The following IGBP1C variants were observed in gnomAD, a reference collection of about 807,000 sequenced individuals.
IGBP1C encodes the protein IGBP1 family member C.
chr17:58,682,296 C>T, the IGBP1C span, among the ~76,000 whole-genome samples: 2 of 147,192 alleles, frequency 1.4e-5, no homozygotes, highest in Admixed American at 6.8e-5. Flanking sequence ...CTTACTCTGT[C>T]GTCCAGGCTA....
chr17:58,661,647 A>G, the IGBP1C span: 123 of 652,480 alleles, frequency 1.9e-4, no homozygotes, highest in African/African-American at 1.9e-3. Flanking sequence ...TTCTGGACAC[A>G]CGTAAAGATT....
At chr17:58,683,052 C>CA in the IGBP1C span, among the ~76,000 whole-genome samples, 3,919 of 52,894 alleles carry the variant, frequency 0.074, 80 homozygotes, top group Middle Eastern at 0.12. Context: ...GAGTCTGTCT[C>CA]AAAAAAAAAA....
chr17:58,691,480 A>G, the IGBP1C span, among the ~76,000 whole-genome samples: 6 of 151,872 alleles, frequency 4.0e-5, no homozygotes, highest in African/African-American at 1.4e-4. Context: ...CAGCCTGGCC[A>G]ATATGGTGAA....
At chr17:58,660,693 C>G in the IGBP1C span, 1 of 782,144 alleles carries the variant, frequency 1.3e-6, no homozygotes, top group Non-Finnish European at 2.4e-6. Flanking sequence ...TCTTGATCTT[C>G]CTGTTGCTGA....
chr17:58,680,509 A>G, the IGBP1C span, among the ~76,000 whole-genome samples: 3 of 152,164 alleles, frequency 2.0e-5, no homozygotes, highest in African/African-American at 7.2e-5. Flanking sequence ...TGGGAGGCCA[A>G]TGCGGGCAGA....
the IGBP1C span, chr17:58,660,982 G>A: frequency 5.1e-6 from 6 of 1,166,454 alleles, no homozygotes; most frequent in Admixed American, 8.4e-5. Flanking sequence ...TCTCTTCTAA[G>A]CTGATATCAA....
chr17:58,682,665 T>C, the IGBP1C span, among the ~76,000 whole-genome samples: 1 of 152,176 alleles, frequency 6.6e-6, no homozygotes, highest in Non-Finnish European at 1.5e-5. Context: ...TGAGCCACCA[T>C]GCCCGGCTGC....
At chr17:58,667,065 T>C in the IGBP1C span, among the ~76,000 whole-genome samples, 1 of 152,182 alleles carries the variant, frequency 6.6e-6, no homozygotes, top group Non-Finnish European at 1.5e-5. Context: ...ACCACCTCAC[T>C]ACTTTTGGCG....
At chr17:58,667,388 T>C in the IGBP1C span, among the ~76,000 whole-genome samples, 1 of 152,202 alleles carries the variant, frequency 6.6e-6, no homozygotes, top group African/African-American at 2.4e-5. Flanking sequence ...AACAAATACA[T>C]TAACGAACAG....
At chr17:58,667,574 A>C in the IGBP1C span, among the ~76,000 whole-genome samples, 1 of 152,158 alleles carries the variant, frequency 6.6e-6, no homozygotes, top group African/African-American at 2.4e-5. Flanking sequence ...ATGGATAAAG[A>C]ACCTGAGGCA....
the IGBP1C span, chr17:58,660,825 C>T: frequency 1.0e-5 from 8 of 783,530 alleles, no homozygotes; most frequent in Non-Finnish European, 1.9e-5. Context: ...GGATAGCCAG[C>T]GCCAAATACT....
the IGBP1C span, among the ~76,000 whole-genome samples, chr17:58,687,592 C>A: frequency 6.6e-6 from 1 of 151,834 alleles, no homozygotes; most frequent in African/African-American, 2.4e-5. Flanking sequence ...CTAAGCCTCC[C>A]AAAATGCTGG....
chr17:58,667,087 C>G, the IGBP1C span, among the ~76,000 whole-genome samples: 2 of 152,208 alleles, frequency 1.3e-5, no homozygotes, highest in Non-Finnish European at 2.9e-5. Context: ...AGCCTAAGGC[C>G]TTCGGATCTC....
chr17:58,675,709 T>C, the IGBP1C span, among the ~76,000 whole-genome samples: 1 of 152,208 alleles, frequency 6.6e-6, no homozygotes, highest in African/African-American at 2.4e-5. Context: ...GAATAAGCTT[T>C]GTTTACAATA....
the IGBP1C span, among the ~76,000 whole-genome samples, chr17:58,678,264 T>A: frequency 6.6e-6 from 1 of 152,226 alleles, no homozygotes; most frequent in Non-Finnish European, 1.5e-5. Context: ...GAAGACAGTG[T>A]GGCGATTCCT....
the IGBP1C span, among the ~76,000 whole-genome samples, chr17:58,685,243 G>A: frequency 6.6e-6 from 1 of 151,914 alleles, no homozygotes; most frequent in Non-Finnish European, 1.5e-5. Flanking sequence ...AGATCAGCCT[G>A]GCCAACATGG....
the IGBP1C span, among the ~76,000 whole-genome samples, chr17:58,683,774 A>AG: frequency 3.2e-5 from 4 of 126,748 alleles, no homozygotes; most frequent in Admixed American, 8.0e-5. Flanking sequence ...AAAAAAAAAA[A>AG]AGAGAGACTT....
the IGBP1C span, among the ~76,000 whole-genome samples, chr17:58,670,231 TAG>T: frequency 6.6e-6 from 1 of 152,212 alleles, no homozygotes; most frequent in Admixed American, 6.6e-5. Flanking sequence ...TTTCCTGGGC[TAG>T]ACTACAGACT....
At chr17:58,660,924 AAG>A in the IGBP1C span, 1 of 908,464 alleles carries the variant, frequency 1.1e-6, no homozygotes, top group Non-Finnish European at 1.9e-6. Context: ...GCCTCTCTTG[AAG>A]AGTCTTTCTC....
Sources: gnomAD v4.1 joint callset for allele counts (sites outside exome capture counted in the v4.1 genomes callset) on GRCh38, gnomAD v4.1.1 for gene constraint, MANE v1.5 for transcripts, NCBI Gene and HGNC (gene_info 2026-07-23, HGNC 2026-07-21) for gene names.